Variants in PADI6 observed in about 807,000 individuals in gnomAD.
The protein encoded by PADI6 is peptidyl arginine deiminase 6, also known as inactive protein-arginine deiminase type-6.
PADI6 carries 66 observed loss-of-function variants against 78.2 expected under a neutral mutation model. The ratio of observed to expected loss-of-function variants is 0.84; its 90% CI spans 0.69 to 1.04. PADI6 has a LOEUF of 1.04. Among genes scored for constraint, PADI6 ranks in the 50% least tolerant of loss-of-function variants. The probability of loss-of-function intolerance (pLI) is 0.00; values close to 1 mark genes in which losing one functional copy is unlikely to be tolerated. For missense variants in PADI6, 854 were observed against 866.1 expected (o/e 0.99, Z 0.18); for synonymous variants, 397 against 346.9 (o/e 1.14, Z -1.60).
intron 8 of PADI6, among the ~76,000 whole-genome samples, chr1:17,391,115 G>A (rs1029839534): frequency 3.3e-5 from 5 of 152,194 alleles, no homozygotes; most frequent in Non-Finnish European, 2.9e-5. Flanking sequence ...CATGAGCTTT[G>A]GACCTGAAGC....
At chr1:17,386,070 T>C (rs2075116206) in intron 6 of PADI6, among the ~76,000 whole-genome samples, 1 of 152,000 alleles carries the variant, frequency 6.6e-6, no homozygotes, top group Admixed American at 6.6e-5. Flanking sequence ...AGGGAGAGTT[T>C]GAGGTAGCTA....
intron 15 of PADI6, among the ~76,000 whole-genome samples, chr1:17,400,919 G>A (rs2075295746): frequency 6.6e-6 from 1 of 152,226 alleles, no homozygotes; most frequent in African/African-American, 2.4e-5. Flanking sequence ...GAGTGTTTCA[G>A]TGGAGGCAGC....
In PADI6 at chr1:17,375,506, G is replaced by GTTGCTCCA. The variant is rs979743275; in HGVS notation, c.367+8_367+15dup. The GTTGCTCCA allele has an allele frequency of 3.8e-6, 6 of 1,599,920 alleles. No homozygotes were observed. Among genetic ancestry groups the GTTGCTCCA allele is most frequent in the African/African-American group, 2.7e-5 (2 of 74,654 alleles). On this transcript the variant is annotated splice_region_variant and intron_variant, in intron 3 of 15. Coordinates refer to ENST00000619609, the MANE Select transcript of PADI6 (RefSeq NM_207421.4). ...CTGTACCTCACTGGCATTGGTGAGT[G>GTTGCTCCA]TTGCTCCAACTGGGAGCCTGGGGCC...
At chr1:17,372,441 T>C in intron 1 of PADI6, 80 bp downstream of exon 1, 2 of 1,339,578 alleles carry the variant, frequency 1.5e-6, no homozygotes, top group Non-Finnish European at 2.1e-6. Flanking sequence ...GATCTGGGAG[T>C]TGGGGGTTAC....
chr1:17,375,324 C>A, intron 2 of PADI6, 103 bp from the exon 3 acceptor site: 1 of 1,089,250 alleles, frequency 9.2e-7, no homozygotes, highest in Non-Finnish European at 1.3e-6. Context: ...AGCCATAACA[C>A]AAGACCAAGA....
rs181841908 is a variant in PADI6 at position 17,373,225 on chromosome 1, G to A, written c.286G>A (p.Ala96Thr). 1.0e-3 allele frequency: 1,686 copies of A among 1,613,946 alleles called. No individual in the cohort carries two copies. The highest frequency in any genetic ancestry group is 2.0e-3 in the Middle Eastern group (12 of 6,052). The change falls in exon 2 of 16, where the codon GCG becomes ACG. Residue 96 changes from alanine (A) to threonine (T), a missense_variant. Coordinates refer to ENST00000619609, the MANE Select transcript of PADI6 (RefSeq NM_207421.4). ...KMTSPSPSVD[A>T]DKVSVTYYGP... ...GACATCGCCCAGCCCTTCCGTGGAT[G>A]CGGATAAGGTAAGCCTCAGGGGAAG...
intron 6 of PADI6, among the ~76,000 whole-genome samples, chr1:17,385,123 G>T (rs1310735614): frequency 8.5e-5 from 13 of 152,198 alleles, no homozygotes; most frequent in Non-Finnish European, 4.4e-5. Flanking sequence ...ACTTTGGGAG[G>T]CCAAGGCAGG....
intron 6 of PADI6, among the ~76,000 whole-genome samples, chr1:17,386,160 C>A: frequency 6.6e-6 from 1 of 152,072 alleles, no homozygotes; most frequent in Non-Finnish European, 1.5e-5. Context: ...GTACTTGGGT[C>A]GCAGGGCTTC....
intron 13 of PADI6, 94 bp from the exon 14 acceptor site, chr1:17,396,977 C>T (rs902211582): frequency 8.4e-6 from 10 of 1,185,778 alleles, no homozygotes; most frequent in South Asian, 3.9e-5. Flanking sequence ...CCCAGGAATG[C>T]ACCCAGGTGG....
chr1:17,375,547 G>T (rs1296824850), intron 3 of PADI6, 48 bp downstream of exon 3: 2 of 1,511,096 alleles, frequency 1.3e-6, no homozygotes, highest in South Asian at 1.2e-5. Context: ...CACCGCTGGG[G>T]TTGGGGAAGG....
rs781054873 is a variant in PADI6, at chr1:17,398,727, G to A, written c.1731G>A (p.Leu577=). ...ACCGTGACATCCTGAAGACGGAGCT[G>A]GGCCTGGTGGAACAGGACATCATCG... ...HLNRDILKTE[L]GLVEQDIIEI... Residue 577 remains leucine, a synonymous_variant, in exon 15 of 16, where the codon CTG becomes CTA. Transcript: ENST00000619609. 8.9e-6 allele frequency: 14 copies of A among 1,573,402 alleles called. No individual in the cohort carries two copies. The Admixed American group carries it at 2.5e-4, about 28-fold the overall frequency.
intron 13 of PADI6, 28 bp from the exon 14 acceptor site, chr1:17,397,043 C>A: frequency 1.2e-6 from 2 of 1,609,600 alleles, no homozygotes; most frequent in Non-Finnish European, 1.7e-6. Context: ...CCCTGACCAG[C>A]AGGCCTGCTG....
At chr1:17,375,111 C>T (rs1020961784) in intron 2 of PADI6, among the ~76,000 whole-genome samples, 1 of 152,110 alleles carries the variant, frequency 6.6e-6, no homozygotes, top group African/African-American at 2.4e-5. Context: ...AGCCAGGCAG[C>T]CTGTTTCTTA....
chr1:17,399,005 C>T (rs904215518), intron 15 of PADI6, among the ~76,000 whole-genome samples, 158 bp downstream of exon 15: 4 of 152,022 alleles, frequency 2.6e-5, no homozygotes, highest in African/African-American at 4.8e-5. Context: ...CGGTTAGGGA[C>T]GCCCCACCCA....
At chr1:17,382,392 A>G (rs1447222169) in intron 6 of PADI6, among the ~76,000 whole-genome samples, 2 of 152,212 alleles carry the variant, frequency 1.3e-5, no homozygotes, top group Non-Finnish European at 2.9e-5. Context: ...ATCCACTGAA[A>G]CAGTAGCTAT....
Position 17,372,210 on chromosome 1 carries a change from G to A in PADI6, c.-36G>A. ...GGTGAGCCCTGGGGCGTCTGAGGCT[G>A]CTGTGCTGAGTGAGGGCTGCGGTGC... On this transcript the variant is annotated 5_prime_UTR_variant, in exon 1 of 16. Coordinates refer to ENST00000619609, the MANE Select transcript of PADI6 (RefSeq NM_207421.4). 1.3e-6 allele frequency: 2 copies of A among 1,586,122 alleles called. No individual in the cohort carries two copies. The highest frequency in any genetic ancestry group is 1.7e-6 in the Non-Finnish European group (2 of 1,154,644).
chr1:17,400,929 C>T (rs1311080331), intron 15 of PADI6, among the ~76,000 whole-genome samples: 2 of 152,222 alleles, frequency 1.3e-5, no homozygotes, highest in African/African-American at 4.8e-5. Flanking sequence ...GTGGAGGCAG[C>T]AGCCATGTGT....
rs775987134 is a variant in PADI6 at position 17,398,760 on chromosome 1, C to T, written c.1764C>T (p.Pro588=). The stretch of plus-strand genomic sequence containing the variant: ...TGGAACAGGACATCATCGAGATTCC[C>T]CAGCTGTTCTGCTTGGAGAAGCTGA... ...GLVEQDIIEI[P]QLFCLEKLTN... The change falls in exon 15 of 16, where the codon CCC becomes CCT. Residue 588 remains proline, a synonymous_variant. Coordinates refer to ENST00000619609, the MANE Select transcript of PADI6 (RefSeq NM_207421.4). The T allele has an allele frequency of 2.5e-6, 4 of 1,609,288 alleles. No individual in the cohort carries two copies. The highest frequency in any genetic ancestry group is 2.5e-6 in the Non-Finnish European group (3 of 1,178,610).
At chr1:17,396,413 A>G (rs529685243) in intron 13 of PADI6, among the ~76,000 whole-genome samples, 1 of 152,304 alleles carries the variant, frequency 6.6e-6, no homozygotes, top group East Asian at 1.9e-4. Context: ...GTAGGAACCC[A>G]GAAAGGGGCT....
Sources: gnomAD v4.1 joint callset for allele counts (sites outside exome capture counted in the v4.1 genomes callset) on GRCh38, gnomAD v4.1.1 for gene constraint, MANE v1.5 for transcripts, NCBI Gene and HGNC (gene_info 2026-07-23, HGNC 2026-07-21) for gene names.